The following ORC1 variants were observed in gnomAD, a reference collection of about 807,000 sequenced individuals.
The protein encoded by ORC1 is origin recognition complex, subunit 1 homolog.
In ORC1, 61 loss-of-function variants were observed where a neutral mutation model predicts 98.9. That is an observed-to-expected ratio of 0.62 (90% confidence interval 0.50 to 0.76). ORC1 has a LOEUF of 0.76. Ranked by LOEUF, ORC1 falls within the 30% of genes least tolerant of loss-of-function variation. The pLI, the probability that ORC1 is intolerant of heterozygous loss-of-function variation, is 0.00. For missense variants in ORC1, 979 were observed against 1,072.2 expected, an observed-to-expected ratio of 0.91 and a Z score of 1.21; for synonymous variants, 385 against 406.9, an observed-to-expected ratio of 0.95 and a Z score of 0.65.
At chr1:52,398,797 G>A (rs569516312) in intron 3 of ORC1, among the ~76,000 whole-genome samples, 8 of 151,360 alleles carry the variant, frequency 5.3e-5, no homozygotes, top group African/African-American at 1.9e-4. Flanking sequence ...GTGTTAGCCA[G>A]GACGGTCTCA....
rs560913186 is a variant in ORC1, at chr1:52,389,332, C to A, written c.1083-11G>T. 30 of 1,608,986 alleles carry A rather than the reference C, an allele frequency of 1.9e-5. 1 individual carries two copies. The Admixed American group carries it at 5.0e-4, about 27-fold the overall frequency. Reference sequence around the variant, plus strand: ...GCTTCTTTTGCATCCCTGCAAGAAACCACAGCGAGGTCACGGGAAGCAGTT... The same window carrying A: ...GCTTCTTTTGCATCCCTGCAAGAAAACACAGCGAGGTCACGGGAAGCAGTT... On this transcript the variant is annotated splice_polypyrimidine_tract_variant and intron_variant, in intron 6 of 16. Transcript: ENST00000371568.
chr1:52,379,305 G>A (rs893355212), intron 14 of ORC1, among the ~76,000 whole-genome samples: 2 of 149,046 alleles, frequency 1.3e-5, no homozygotes, highest in Non-Finnish European at 3.0e-5. Context: ...GTGCAGCGGT[G>A]CGATCTCGGC....
chr1:52,380,014 A>G (rs886597320), intron 14 of ORC1, among the ~76,000 whole-genome samples: 9 of 152,224 alleles, frequency 5.9e-5, no homozygotes, highest in African/African-American at 2.2e-4. Flanking sequence ...AATGCTAGGC[A>G]TTATTGTAGA....
rs756527032 is a variant in ORC1, at chr1:52,402,237, G to C, written c.-5-9C>G. On this transcript the variant is annotated splice_polypyrimidine_tract_variant and intron_variant, in intron 1 of 16. Transcript: ENST00000371568. ...GTAGTGTGCCATGGCTTCTGTGGAA[G>C]AGTCCAAACTCTGAGTTACCATGAT... The C allele has an allele frequency of 1.9e-6, 3 of 1,597,520 alleles. No individual in the cohort carries two copies. The highest frequency in any genetic ancestry group is 2.6e-6 in the Non-Finnish European group (3 of 1,164,932).
rs773920523 is a variant in ORC1, at chr1:52,373,224, T to C, written c.2543A>G (p.Asn848Ser). ...RNDLLLRVRL[N>S]VSQDDVLYAL... is the part of the protein sequence containing the mutation. ...ATACAGCACATCATCCTGGCTGACG[T>C]TGAGCCGCACCCGAAGGAGCAGATC... is the stretch of plus-strand genomic sequence containing the variant. Residue 848 changes from asparagine to serine, a missense_variant, in exon 17 of 17, where the codon AAC (asparagine) becomes AGC (serine). Transcript: ENST00000371568. The C allele has an allele frequency of 4.4e-5, 71 of 1,614,106 alleles. No homozygotes were observed. Among genetic ancestry groups the C allele is most frequent in the South Asian group, 1.1e-4 (10 of 91,088 alleles).
At chr1:52,394,360 C>T (rs1049245964) in intron 5 of ORC1, among the ~76,000 whole-genome samples, 2 of 152,202 alleles carry the variant, frequency 1.3e-5, no homozygotes, top group African/African-American at 4.8e-5. Flanking sequence ...CAGATACCAA[C>T]TGAGCAGTTA....
At position 52,396,156 on chromosome 1, in the gene ORC1, G is replaced by A. The variant is rs759713293; in HGVS notation, c.611C>T (p.Pro204Leu). 1.9e-6 allele frequency: 3 copies of A among 1,614,136 alleles called. No individual in the cohort carries two copies. The highest frequency in any genetic ancestry group is 2.5e-6 in the Non-Finnish European group (3 of 1,180,030). ...SKSAESPSWT[P>L]AEHVAKRIES... is the part of the protein sequence containing the mutation. ...AATCCTTTTGGCCACATGTTCTGCT[G>A]GGGTCCAAGAAGGGCTCTCTGCACT... Residue 204 changes from proline (P) to leucine (L), a missense_variant, in exon 5 of 17, where the codon CCA (proline) becomes CTA (leucine). Pro to Leu is a moderately conservative substitution (Grantham distance 98). Transcript: ENST00000371568.
chr1:52,374,779 C>A (rs769442437), intron 16 of ORC1, 31 bp downstream of exon 16: 1 of 1,496,364 alleles, frequency 6.7e-7, no homozygotes, highest in Non-Finnish European at 9.3e-7. Context: ...AGTCCAAAAT[C>A]TAGAAGGATT....
upstream of ORC1, chr1:52,404,597 C>T (rs986849226): frequency 9.6e-6 from 7 of 732,172 alleles, no homozygotes; most frequent in South Asian, 1.9e-5. Context: ...GAGCGGAAGC[C>T]CTTTACACTA....
At chr1:52,405,647 C>G (rs771891313), upstream of ORC1, 1 of 1,609,376 alleles carries the variant, frequency 6.2e-7, no homozygotes. Context: ...GAGCTTAGCC[C>G]TAATATGTTA....
intron 14 of ORC1, 139 bp downstream of exon 14, chr1:52,381,503 A>G (rs1027216451): frequency 9.8e-6 from 9 of 913,956 alleles, no homozygotes; most frequent in South Asian, 1.5e-5. Flanking sequence ...GGAATTTCTC[A>G]TAATCTTGTC....
At chr1:52,381,541 A>C in intron 14 of ORC1, 101 bp downstream of exon 14, 1 of 1,268,028 alleles carries the variant, frequency 7.9e-7, no homozygotes, top group South Asian at 1.3e-5. Flanking sequence ...ACGACTTTCT[A>C]AATTTCTCTC....
chr1:52,379,032 CA>C (rs999288237), intron 14 of ORC1, among the ~76,000 whole-genome samples: 25 of 142,140 alleles, frequency 1.8e-4, no homozygotes, highest in African/African-American at 1.6e-4. Context: ...GACTCCGTCT[CA>C]AAAAAAAAAA....
chr1:52,393,372 T>G (rs1230087258), intron 6 of ORC1, 71 bp downstream of exon 6: 1 of 1,603,740 alleles, frequency 6.2e-7, no homozygotes, highest in Non-Finnish European at 8.5e-7. Context: ...CTAACTTTTT[T>G]GACTATGACT....
Position 52,393,424 on chromosome 1 carries a change from G to C in ORC1, c.1082+19C>G. ...TGTGAAGGATTTCAATTTGCTCTGT[G>C]GGTAATGTCCCTGGTCACCTCTTTT... is the stretch of plus-strand genomic sequence containing the variant. On this transcript the variant is annotated intron_variant, in intron 6 of 16. Coordinates refer to ENST00000371568, the MANE Select transcript of ORC1 (RefSeq NM_004153.4). 6.2e-7 allele frequency: 1 copy of C among 1,613,944 alleles called. No individual in the cohort carries two copies. Among genetic ancestry groups the C allele is most frequent in the Non-Finnish European group, 8.5e-7 (1 of 1,179,936 alleles).
chr1:52,395,371 A>T (rs1340814544), intron 5 of ORC1, among the ~76,000 whole-genome samples: 1 of 152,262 alleles, frequency 6.6e-6, no homozygotes, highest in Non-Finnish European at 1.5e-5. Context: ...ATTAATTAAC[A>T]TATAGAAGGT....
In ORC1 at chr1:52,389,325, C is replaced by A; in HGVS notation, c.1083-4G>T. The A allele has an allele frequency of 6.2e-7, 1 of 1,611,570 alleles. No individual in the cohort carries two copies. Among genetic ancestry groups the A allele is most frequent in the Non-Finnish European group, 8.5e-7 (1 of 1,177,720 alleles). ...GGCTTTTGCTTCTTTTGCATCCCTGCAAGAAACCACAGCGAGGTCACGGGA... is the reference window on the plus strand; with the variant it reads ...GGCTTTTGCTTCTTTTGCATCCCTGAAAGAAACCACAGCGAGGTCACGGGA... On this transcript the variant is annotated splice_region_variant and splice_polypyrimidine_tract_variant and intron_variant, in intron 6 of 16. Transcript: ENST00000371568.
In ORC1 at chr1:52,375,473, C is replaced by T; in HGVS notation, c.2260G>A (p.Ala754Thr). The change falls in exon 15 of 17, where the codon GCT (alanine) becomes ACT (threonine). Residue 754 changes from alanine to threonine, a missense_variant. By Grantham distance (58) the Ala-to-Thr change is moderately conservative. Transcript: ENST00000371568. ...GLVTIAHSMEAVDEMFSSSYI... is the reference protein window; with the variant it reads ...GLVTIAHSMETVDEMFSSSYI... Reference sequence around the variant, plus strand: ...GATGATGAAAACATCTCATCCACAGCTTCCATTGAGTGGGCTATGGTGACC... The same window carrying T: ...GATGATGAAAACATCTCATCCACAGTTTCCATTGAGTGGGCTATGGTGACC... The T allele has an allele frequency of 6.2e-7, 1 of 1,614,170 alleles. No individual in the cohort carries two copies. The highest frequency in any genetic ancestry group is 8.5e-7 in the Non-Finnish European group (1 of 1,180,034).
Position 52,373,362 on chromosome 1 carries a change from T to G in ORC1, c.2405A>C (p.His802Pro). The G allele has an allele frequency of 6.2e-7, 1 of 1,613,938 alleles. No individual in the cohort carries two copies. The highest frequency in any genetic ancestry group is 1.1e-5 in the South Asian group (1 of 91,082). Residue 802 changes from histidine (H) to proline (P), a missense_variant, in exon 17 of 17, where the codon CAT becomes CCT. By Grantham distance (77) the His-to-Pro change is moderately conservative. Coordinates refer to ENST00000371568, the MANE Select transcript of ORC1 (RefSeq NM_004153.4). The part of the protein sequence containing the change: ...EATFQQIYSQ[H>P]VALCRMEGLP... ...TCCCTCCATTCTGCACAGTGCCACA[T>G]GTTGACTATATATCTAGACACAAAT...
Sources: gnomAD v4.1 joint callset for allele counts (sites outside exome capture counted in the v4.1 genomes callset) on GRCh38, gnomAD v4.1.1 for gene constraint, MANE v1.5 for transcripts, NCBI Gene and HGNC (gene_info 2026-07-23, HGNC 2026-07-21) for gene names.